Variants in ATRN observed in about 807,000 individuals in gnomAD.
The protein encoded by ATRN is attractin, also known as attractin-2.
Under a neutral mutation model 178.7 loss-of-function variants are expected in ATRN, and 54 were observed. The observed-to-expected ratio is 0.30, with a 90% confidence interval of 0.24 to 0.38. ATRN has a LOEUF of 0.38. ATRN is among the 10% of genes least tolerant of loss of function. ATRN has a pLI of 1.00. For missense variants in ATRN, 1,443 were observed against 1,815.1 expected, an observed-to-expected ratio of 0.79 and a Z score of 3.73; for synonymous variants, 636 against 663.0, an observed-to-expected ratio of 0.96 and a Z score of 0.63.
At chr20:3,548,215 A>C (rs1467644440) in intron 5 of ATRN, among the ~76,000 whole-genome samples, 1 of 152,214 alleles carries the variant, frequency 6.6e-6, no homozygotes, top group Admixed American at 6.5e-5. Context: ...TCCCGGGTCT[A>C]GTTATCAAAC....
At chr20:3,532,804 C>T (rs533417678) in intron 1 of ATRN, among the ~76,000 whole-genome samples, 38 of 152,000 alleles carry the variant, frequency 2.5e-4, no homozygotes, top group African/African-American at 9.2e-4. Flanking sequence ...ACTCTGTCGC[C>T]CAGGCTGGAG....
chr20:3,605,657 G>A (rs1401168151), intron 24 of ATRN, among the ~76,000 whole-genome samples: 1 of 152,150 alleles, frequency 6.6e-6, no homozygotes, highest in Non-Finnish European at 1.5e-5. Context: ...ATGCAGGAAC[G>A]GAAAACCAGG....
chr20:3,610,078 A>T (rs1290374564), intron 24 of ATRN, among the ~76,000 whole-genome samples: 2 of 152,204 alleles, frequency 1.3e-5, no homozygotes, highest in African/African-American at 4.8e-5. Flanking sequence ...AATTATTGCC[A>T]CTGATTTGTA....
At position 3,632,668 on chromosome 20, in the gene ATRN, C is replaced by T. The variant is rs1034780619; in HGVS notation, c.3864-1643C>T. Among the ~76,000 whole-genome samples, 5 of 152,220 alleles carry T rather than the reference C, an allele frequency of 3.3e-5. No individual in the cohort carries two copies. Among genetic ancestry groups the T allele is most frequent in the African/African-American group, 9.6e-5 (4 of 41,458 alleles). ...CACTGGTACTCCTGAACCCCTTGCTCTTAGCATCTTTTTATTTCTGTAGCA... is the reference window on the plus strand; with the variant it reads ...CACTGGTACTCCTGAACCCCTTGCTTTTAGCATCTTTTTATTTCTGTAGCA... On this transcript the variant is annotated intron_variant, in intron 25 of 28. Transcript: ENST00000262919. This position sits in a 1 kb window ranked among gnomAD's most constrained non-coding sequence, Gnocchi z 4.2.
intron 7 of ATRN, among the ~76,000 whole-genome samples, chr20:3,559,686 G>A (rs1054560669): frequency 2.0e-5 from 3 of 152,168 alleles, no homozygotes; most frequent in Non-Finnish European, 4.4e-5. Flanking sequence ...GCTTCAAACT[G>A]TAATGGGGTA....
intron 11 of ATRN, among the ~76,000 whole-genome samples, chr20:3,572,121 T>A (rs1675149449): frequency 6.6e-6 from 1 of 152,256 alleles, no homozygotes; most frequent in African/African-American, 2.4e-5. Context: ...ACATGTGTGC[T>A]TTTATCTGTT....
chr20:3,567,009 C>G (rs2086046228), intron 11 of ATRN, among the ~76,000 whole-genome samples: 1 of 151,096 alleles, frequency 6.6e-6, no homozygotes. Flanking sequence ...GGAAAAGGTG[C>G]TATCTTATAT....
intron 21 of ATRN, among the ~76,000 whole-genome samples, chr20:3,597,218 T>C (rs144759465): frequency 7.0e-4 from 106 of 151,652 alleles, no homozygotes; most frequent in African/African-American, 2.3e-3. Flanking sequence ...GAAAAAACCA[T>C]CCAAAACATA....
chr20:3,620,092 T>C (rs964846524), intron 24 of ATRN, among the ~76,000 whole-genome samples: 1 of 151,608 alleles, frequency 6.6e-6, no homozygotes, highest in Non-Finnish European at 1.5e-5. Context: ...CCCATCTCCC[T>C]CCCACTCCCC....
intron 1 of ATRN, among the ~76,000 whole-genome samples, chr20:3,493,830 T>C (rs1213189018): frequency 6.6e-6 from 1 of 152,174 alleles, no homozygotes; most frequent in African/African-American, 2.4e-5. Flanking sequence ...TGGACTTCCT[T>C]TATAGTAAAC....
At chr20:3,634,712 T>C (rs977185351) in intron 26 of ATRN, among the ~76,000 whole-genome samples, 4 of 152,190 alleles carry the variant, frequency 2.6e-5, no homozygotes, top group Admixed American at 6.5e-5. Context: ...TCCAAGGGCG[T>C]ATTAGCACAG....
intron 1 of ATRN, among the ~76,000 whole-genome samples, chr20:3,510,428 T>C (rs1057363651): frequency 1.3e-5 from 2 of 152,346 alleles, no homozygotes; most frequent in African/African-American, 4.8e-5. Flanking sequence ...GAAAACTTTA[T>C]CTGTATAAGC....
In ATRN at chr20:3,563,279, G is replaced by T. The variant is rs2085980113; in HGVS notation, c.1702G>T (p.Val568Leu). The T allele has an allele frequency of 7.4e-6, 12 of 1,614,136 alleles. No individual in the cohort carries two copies. Among genetic ancestry groups the T allele is most frequent in the Non-Finnish European group, 1.0e-5 (12 of 1,180,006 alleles). The change falls in exon 10 of 29, where the codon GTG becomes TTG. Residue 568 changes from valine to leucine, a missense_variant. Around this residue, in one of 4 missense-constraint regions of ATRN, gnomAD observed 862 missense variants for 972.1 expected, o/e 0.89. Transcript: ENST00000262919. Reference protein sequence around the residue: ...TAVIVSGTMLVFGGNTHNDTS... With the variant: ...TAVIVSGTMLLFGGNTHNDTS... ...TGTGATAGTGAGTGGAACCATGCTG[G>T]TGTTTGGAGGAAACACACACAATGA...
rs201875976 is a variant in ATRN, at chr20:3,625,708, C to T, written c.3863+1136C>T. 5.1e-4 allele frequency among the ~76,000 whole-genome samples: 78 copies of T among 152,214 alleles called. No individual in the cohort carries two copies. In the East Asian group the frequency reaches 0.013, roughly 25 times the overall value. ...CCTAGAACCTTCCCACCTCCTGCCC[C>T]CAAGTGCACTTGTTCCTGAGGCCTG... On this transcript the variant is annotated intron_variant, in intron 25 of 28. Transcript: ENST00000262919.
At chr20:3,496,378 C>T (rs1289037025) in intron 1 of ATRN, among the ~76,000 whole-genome samples, 2 of 151,546 alleles carry the variant, frequency 1.3e-5, no homozygotes, top group Non-Finnish European at 2.9e-5. Flanking sequence ...TTTCAAAGAA[C>T]ATCTTTATTT....
chr20:3,471,624 G>A (rs1183298729), intron 1 of ATRN, 107 bp downstream of exon 1: 15 of 1,313,980 alleles, frequency 1.1e-5, no homozygotes, highest in Non-Finnish European at 1.4e-5. Context: ...AAAGTGGAGA[G>A]GGTAGGGCCG....
intron 1 of ATRN, among the ~76,000 whole-genome samples, chr20:3,521,038 G>A (rs543153829): frequency 7.9e-5 from 12 of 152,274 alleles, no homozygotes; most frequent in South Asian, 4.1e-4. Context: ...GTAAGTGGGA[G>A]CTAAACAATG....
chr20:3,610,742 C>CTTT (rs71195847), intron 24 of ATRN, among the ~76,000 whole-genome samples: 1,705 of 65,258 alleles, frequency 0.026, 172 homozygotes, highest in African/African-American at 0.096. Context: ...CTGGCTAATT[C>CTTT]TTTTTTTTTT....
Position 3,590,449 on chromosome 20 carries a change from G to T in ATRN, c.3185-720G>T, listed in dbSNP as rs76825331. Among the ~76,000 whole-genome samples the T allele has an allele frequency of 2.4e-3, 369 of 152,280 alleles. 1 individual carries two copies. Among genetic ancestry groups the T allele is most frequent in the African/African-American group, 8.5e-3 (355 of 41,558 alleles). On this transcript the variant is annotated intron_variant, in intron 18 of 28. Coordinates refer to ENST00000262919, the MANE Select transcript of ATRN (RefSeq NM_139321.3). ...TCCTATTCCCCCCTAGAGTTCTGCA[G>T]TGCACAGCCTGTGCAGCTGTCCTGA... is the stretch of plus-strand genomic sequence containing the variant.
Sources: allele counts gnomAD v4.1 joint callset (sites outside exome capture counted in the v4.1 genomes callset), GRCh38; gene constraint gnomAD v4.1.1; regional missense constraint gnomAD v4.1.1; non-coding constraint Gnocchi (gnomAD v3.1); transcripts MANE v1.5; gene names NCBI Gene and HGNC (gene_info 2026-07-23, HGNC 2026-07-21).